Variants in CYP39A1 observed in about 807,000 individuals in gnomAD.
The protein encoded by CYP39A1 is 24-hydroxycholesterol 7-alpha-hydroxylase.
Under a neutral mutation model 58.1 loss-of-function variants are expected in CYP39A1, and 49 were observed. The observed-to-expected ratio is 0.84, with a 90% confidence interval of 0.67 to 1.07. CYP39A1 has a LOEUF of 1.07. CYP39A1 is among the 50% of genes least tolerant of loss of function. The pLI, the probability that CYP39A1 is intolerant of heterozygous loss-of-function variation, is 0.00. For missense variants in CYP39A1, 531 were observed against 539.4 expected, an observed-to-expected ratio of 0.98 and a Z score of 0.16; for synonymous variants, 209 against 187.6, an observed-to-expected ratio of 1.11 and a Z score of -0.93.
chr6:46,643,870 C>T (rs142184484), intron 1 of CYP39A1, among the ~76,000 whole-genome samples: 32 of 152,184 alleles, frequency 2.1e-4, no homozygotes, highest in African/African-American at 7.2e-4. Context: ...CAGGCACACA[C>T]GGTATGTTGT....
chr6:46,623,576 G>A (rs1013609282), intron 7 of CYP39A1, among the ~76,000 whole-genome samples: 1 of 152,030 alleles, frequency 6.6e-6, no homozygotes, highest in Non-Finnish European at 1.5e-5. Flanking sequence ...GGACTCCTCA[G>A]CCTCCATAGT....
rs939323351 is a variant in CYP39A1, at chr6:46,562,816, T to A, written c.1251-8962A>T. 2.6e-5 allele frequency among the ~76,000 whole-genome samples: 4 copies of A among 152,154 alleles called. No homozygotes were observed. The South Asian group carries it at 8.3e-4, about 32-fold the overall frequency. Reference sequence around the variant, plus strand: ...GCAGAATTTCCCTAATTAATTTTAGTCTATGTGATGTTCTTAAAAATGATA... The same window carrying A: ...GCAGAATTTCCCTAATTAATTTTAGACTATGTGATGTTCTTAAAAATGATA... On this transcript the variant is annotated intron_variant, in intron 10 of 11. Transcript: ENST00000275016.
Position 46,652,275 on chromosome 6 carries a change from A to C in CYP39A1, c.177+131T>G, listed in dbSNP as rs1762743679. ...TTGTTAGTAGAGGAATTCAGAAATG[A>C]CTAGATCCTTTAGTTGAGGCAAGCA... On this transcript the variant is annotated intron_variant, in intron 1 of 11. Transcript: ENST00000275016. 1.0e-5 allele frequency: 9 copies of C among 894,218 alleles called. No individual in the cohort carries two copies. In the Admixed American group the frequency reaches 1.4e-4, roughly 14 times the overall value. The allele number at this position is 894,218 out of a possible 1,614,324, so 55.4% of individuals were successfully genotyped here.
chr6:46,587,720 G>A (rs1446503320), intron 9 of CYP39A1, among the ~76,000 whole-genome samples: 1 of 152,096 alleles, frequency 6.6e-6, no homozygotes, highest in Non-Finnish European at 1.5e-5. Flanking sequence ...AATGACAGAA[G>A]CAATTGCCTG....
chr6:46,646,885 T>C (rs1562024084), intron 1 of CYP39A1, among the ~76,000 whole-genome samples: 1 of 152,144 alleles, frequency 6.6e-6, no homozygotes, highest in African/African-American at 2.4e-5. Context: ...TTTTGATGTC[T>C]GCAGTGATAT....
chr6:46,616,046 CTTT>C (rs1774522959), intron 7 of CYP39A1, among the ~76,000 whole-genome samples: 1 of 91,946 alleles, frequency 1.1e-5, no homozygotes, highest in Admixed American at 1.2e-4. Flanking sequence ...CCTCCTCTTT[CTTT>C]TCTTTTCTTT....
At chr6:46,609,902 T>C (rs1774111193) in intron 7 of CYP39A1, among the ~76,000 whole-genome samples, 1 of 152,212 alleles carries the variant, frequency 6.6e-6, no homozygotes, top group African/African-American at 2.4e-5. Flanking sequence ...TTGTGTAAGA[T>C]AAAATATCTA....
intron 4 of CYP39A1, among the ~76,000 whole-genome samples, chr6:46,637,105 C>T (rs371926247): frequency 3.3e-4 from 50 of 152,202 alleles, no homozygotes; most frequent in African/African-American, 1.1e-3. Flanking sequence ...CATGAGAATG[C>T]AGTGAAAAAT....
chr6:46,642,407 T>G lies in CYP39A1; in HGVS notation c.178-109A>C, dbSNP rs1302910160. ...AAGTTATAGTCAAAAGAAAAATTAT[T>G]ATGATTATATTTGGCAATTAGTTAT... On this transcript the variant is annotated intron_variant, in intron 1 of 11. Coordinates refer to ENST00000275016, the MANE Select transcript of CYP39A1 (RefSeq NM_016593.5). 6.7e-6 allele frequency: 7 copies of G among 1,050,872 alleles called. 1 individual carries two copies. Among genetic ancestry groups the G allele is most frequent in the South Asian group, 3.5e-5 (2 of 57,110 alleles). The allele number at this position is 1,050,872 out of a possible 1,614,324, so 65.1% of individuals were successfully genotyped here.
At chr6:46,590,561 T>C (rs566071190) in intron 8 of CYP39A1, among the ~76,000 whole-genome samples, 1 of 151,998 alleles carries the variant, frequency 6.6e-6, no homozygotes, top group East Asian at 1.9e-4. Flanking sequence ...AAAAACAAAA[T>C]AAGTATTTTT....
chr6:46,642,436 T>G (rs927177886), intron 1 of CYP39A1, 138 bp from the exon 2 acceptor site: 10 of 794,036 alleles, frequency 1.3e-5, no homozygotes, highest in Non-Finnish European at 1.9e-5. Context: ...TAGTTATAAA[T>G]TTTGATTGTT....
chr6:46,551,759 T>C (rs1770409478), intron 11 of CYP39A1, among the ~76,000 whole-genome samples: 1 of 152,182 alleles, frequency 6.6e-6, no homozygotes, highest in Admixed American at 6.5e-5. Context: ...AGGACATGCT[T>C]TGACAACCCA....
At chr6:46,634,273 T>C (rs1775829120) in intron 5 of CYP39A1, among the ~76,000 whole-genome samples, 1 of 152,188 alleles carries the variant, frequency 6.6e-6, no homozygotes, top group Admixed American at 6.5e-5. Context: ...CCATGTAAGA[T>C]GTTACTTGAT....
chr6:46,598,108 G>A (rs1773279174), intron 7 of CYP39A1, among the ~76,000 whole-genome samples: 1 of 152,138 alleles, frequency 6.6e-6, no homozygotes, highest in South Asian at 2.1e-4. Context: ...GTATGAAGGA[G>A]GAAAAAGGTT....
At chr6:46,648,334 A>G (rs1471021396) in intron 1 of CYP39A1, among the ~76,000 whole-genome samples, 1 of 151,992 alleles carries the variant, frequency 6.6e-6, no homozygotes, top group African/African-American at 2.4e-5. Context: ...ATGCAGCCAT[A>G]AAAAAGGATG....
At chr6:46,564,148 T>C (rs181146539) in intron 10 of CYP39A1, among the ~76,000 whole-genome samples, 63 of 107,016 alleles carry the variant, frequency 5.9e-4, no homozygotes, top group African/African-American at 2.5e-3. Flanking sequence ...CTATTCTATT[T>C]TATTCTATTT....
intron 7 of CYP39A1, among the ~76,000 whole-genome samples, chr6:46,621,179 A>G (rs971345478): frequency 4.6e-5 from 7 of 151,792 alleles, no homozygotes; most frequent in Non-Finnish European, 1.0e-4. Context: ...TTCACAGAGG[A>G]AAAAAAGGAA....
intron 5 of CYP39A1, among the ~76,000 whole-genome samples, chr6:46,635,800 C>A (rs962199866): frequency 6.6e-6 from 1 of 152,028 alleles, no homozygotes; most frequent in Admixed American, 6.6e-5. Flanking sequence ...TGGGCTTAAG[C>A]AATTCTCCTG....
chr6:46,595,867 A>G (rs1159830057), intron 8 of CYP39A1, 120 bp downstream of exon 8: 1 of 987,412 alleles, frequency 1.0e-6, no homozygotes, highest in South Asian at 1.6e-5. Flanking sequence ...ACAAATATAT[A>G]AAATATTTAT....
Sources: allele counts gnomAD v4.1 joint callset (sites outside exome capture counted in the v4.1 genomes callset), GRCh38; gene constraint gnomAD v4.1.1; transcripts MANE v1.5; gene names NCBI Gene and HGNC (gene_info 2026-07-23, HGNC 2026-07-21).